RGS7: variants seen among roughly 807,000 people sequenced by gnomAD.
RGS7 encodes regulator of G protein signaling 7, also known as regulator of G-protein signaling 7.
RGS7 carries 27 observed loss-of-function variants against 81.1 expected under a neutral mutation model. The ratio of observed to expected loss-of-function variants is 0.33; its 90% CI spans 0.25 to 0.46. RGS7 has a LOEUF of 0.46. Ranked by LOEUF, RGS7 falls within the 20% of genes least tolerant of loss-of-function variation. The pLI, the probability that RGS7 is intolerant of heterozygous loss-of-function variation, is 1.00. For missense variants in RGS7, 396 were observed against 607.4 expected (o/e 0.65, Z 3.66); for synonymous variants, 208 against 207.7 (o/e 1.00, Z -0.01).
intron 9 of RGS7, among the ~76,000 whole-genome samples, chr1:240,844,192 T>G (rs1051867539): frequency 6.6e-6 from 1 of 152,084 alleles, no homozygotes; most frequent in African/African-American, 2.4e-5. Context: ...TTGTCTATAT[T>G]TAAACTACTG....
chr1:241,095,605 A>C (rs1011369960), intron 3 of RGS7, among the ~76,000 whole-genome samples: 1 of 152,178 alleles, frequency 6.6e-6, no homozygotes, highest in African/African-American at 2.4e-5. Flanking sequence ...CCATGTTTGC[A>C]CCACTGCACT....
intron 6 of RGS7, among the ~76,000 whole-genome samples, chr1:240,923,538 AG>A (rs1673929367): frequency 6.6e-6 from 1 of 152,116 alleles, no homozygotes; most frequent in African/African-American, 2.4e-5. Context: ...ACATGATTTT[AG>A]GAGCCACTAA....
intron 2 of RGS7, among the ~76,000 whole-genome samples, chr1:241,340,826 A>G (rs1573755008): frequency 6.6e-6 from 1 of 152,210 alleles, no homozygotes; most frequent in East Asian, 1.9e-4. Flanking sequence ...TAGGAGAAGT[A>G]AGAAAGTAAA....
chr1:240,960,156 A>G (rs1269589705), intron 4 of RGS7, among the ~76,000 whole-genome samples: 1 of 149,366 alleles, frequency 6.7e-6, no homozygotes, highest in African/African-American at 2.5e-5. Context: ...CCATCCCCCA[A>G]CACCAAAAAA....
At chr1:240,819,985 G>A (rs1270635953) in intron 10 of RGS7, among the ~76,000 whole-genome samples, 6 of 152,146 alleles carry the variant, frequency 3.9e-5, no homozygotes, top group Admixed American at 6.6e-5. Context: ...GAAAACAGCC[G>A]AGAAGAATAT....
At chr1:241,224,229 A>G (rs919418585) in intron 2 of RGS7, among the ~76,000 whole-genome samples, 4 of 151,518 alleles carry the variant, frequency 2.6e-5, no homozygotes, top group African/African-American at 7.3e-5. Flanking sequence ...TAATTCTCCA[A>G]TGCTATCCCA....
chr1:241,011,368 A>T (rs2058948070), intron 3 of RGS7, among the ~76,000 whole-genome samples: 1 of 152,176 alleles, frequency 6.6e-6, no homozygotes. Context: ...GAGCAGCCTC[A>T]TGAAAGAGGC....
chr1:240,935,498 A>G (rs1040305320), intron 5 of RGS7, among the ~76,000 whole-genome samples: 1 of 152,196 alleles, frequency 6.6e-6, no homozygotes, highest in African/African-American at 2.4e-5. Context: ...TTGAATACTT[A>G]GGTCAGTATC....
chr1:240,960,263 A>T (rs367678653), intron 4 of RGS7, among the ~76,000 whole-genome samples: 1,030 of 38,800 alleles, frequency 0.027, 5 homozygotes, highest in Middle Eastern at 0.12. Flanking sequence ...GTTTTTTTTG[A>T]GACAGGGTCT....
At chr1:240,858,415 T>C (rs1204972078) in intron 9 of RGS7, among the ~76,000 whole-genome samples, 10 of 152,190 alleles carry the variant, frequency 6.6e-5, no homozygotes, top group African/African-American at 2.4e-4. Flanking sequence ...GTTGCTAGTG[T>C]TTTGGATTTT....
chr1:241,178,195 G>A (rs1573001625), intron 2 of RGS7, among the ~76,000 whole-genome samples: 1 of 152,096 alleles, frequency 6.6e-6, no homozygotes. Context: ...GAGAGACTGA[G>A]GTAGGAGGAT....
At chr1:241,123,551 G>C (rs1414465000) in intron 2 of RGS7, among the ~76,000 whole-genome samples, 2 of 152,190 alleles carry the variant, frequency 1.3e-5, no homozygotes, top group African/African-American at 2.4e-5. Flanking sequence ...GGGAGTTTGA[G>C]ACCAGCCTGA....
At chr1:240,819,362 A>G (rs906472585) in intron 10 of RGS7, among the ~76,000 whole-genome samples, 1 of 152,232 alleles carries the variant, frequency 6.6e-6, no homozygotes, top group Non-Finnish European at 1.5e-5. Flanking sequence ...GGTATCATGA[A>G]AGTAAAATGA....
chr1:241,174,910 T>TG (rs1384904708), intron 2 of RGS7, among the ~76,000 whole-genome samples: 31 of 141,442 alleles, frequency 2.2e-4, no homozygotes, highest in African/African-American at 7.5e-4. Context: ...TTTTTTTTTT[T>TG]TTTTTTTTTT....
At chr1:241,112,973 A>G (rs1307785473) in intron 2 of RGS7, among the ~76,000 whole-genome samples, 1 of 152,170 alleles carries the variant, frequency 6.6e-6, no homozygotes. Flanking sequence ...CCATCTATGA[A>G]AGAAGGTTCT....
chr1:240,864,256 T>TTATATTATATTATATATATATATATATA (rs1662808657), intron 9 of RGS7, among the ~76,000 whole-genome samples: 1 of 152,172 alleles, frequency 6.6e-6, no homozygotes, highest in Non-Finnish European at 1.5e-5. Context: ...ACATGATACC[T>TTATATTATATTATATATATATATATATA]TTCTATATTA....
chr1:240,890,669 T>C (rs1668150664), intron 6 of RGS7, among the ~76,000 whole-genome samples: 2 of 152,082 alleles, frequency 1.3e-5, no homozygotes, highest in East Asian at 1.9e-4. Context: ...GCTTTATAGA[T>C]TAATTATTTC....
chr1:241,303,683 T>G (rs561646252), intron 2 of RGS7, among the ~76,000 whole-genome samples: 1 of 152,246 alleles, frequency 6.6e-6, no homozygotes, highest in Non-Finnish European at 1.5e-5. Context: ...TCTCTTTGAA[T>G]CCATAGGATC....
At chr1:240,943,561 C>T (rs928266310) in intron 4 of RGS7, among the ~76,000 whole-genome samples, 13 of 152,136 alleles carry the variant, frequency 8.5e-5, no homozygotes, top group Admixed American at 8.5e-4. Context: ...CTCTGGGTTT[C>T]CCAGTCATGT....
Sources: allele counts gnomAD v4.1 joint callset (sites outside exome capture counted in the v4.1 genomes callset), GRCh38; gene constraint gnomAD v4.1.1; transcripts MANE v1.5; gene names NCBI Gene and HGNC (gene_info 2026-07-23, HGNC 2026-07-21).